AKAP7: variants seen among roughly 807,000 people sequenced by gnomAD.
The protein encoded by AKAP7 is A-kinase anchoring protein 7, also known as A kinase (PRKA) anchor protein 7.
Under a neutral mutation model 39.5 loss-of-function variants are expected in AKAP7, and 39 were observed. The ratio of observed to expected loss-of-function variants is 0.99; its 90% confidence interval spans 0.76 to 1.29. The LOEUF is 1.29. Among genes scored for constraint, AKAP7 ranks in the 50% most tolerant of loss-of-function variants. The probability of loss-of-function intolerance (pLI) is 0.00; values close to 1 mark genes in which losing one functional copy is unlikely to be tolerated. For synonymous variants in AKAP7, 140 were observed against 139.1 expected (o/e 1.01, Z -0.05); for missense variants, 414 against 407.7 (o/e 1.02, Z -0.13).
At chr6:131,219,173 C>A (rs1286534825) in intron 6 of AKAP7, among the ~76,000 whole-genome samples, 1 of 151,426 alleles carries the variant, frequency 6.6e-6, no homozygotes. Context: ...GCCTGTAGTC[C>A]CAGCTACTCA....
chr6:131,219,160 C>T (rs573772033), intron 6 of AKAP7, among the ~76,000 whole-genome samples: 18 of 151,740 alleles, frequency 1.2e-4, no homozygotes, highest in African/African-American at 4.1e-4. Context: ...TGTGGTAACA[C>T]GCGCCTGTAG....
At chr6:131,134,981 G>A (rs772614676), upstream of AKAP7, among the ~76,000 whole-genome samples, 51 of 152,142 alleles carry the variant, frequency 3.4e-4, no homozygotes, top group Non-Finnish European at 6.3e-4. Flanking sequence ...ACAAGAACCA[G>A]CAACTGGTTT....
chr6:131,263,365 T>C (rs1364095220), intron 7 of AKAP7, among the ~76,000 whole-genome samples: 1 of 152,182 alleles, frequency 6.6e-6, no homozygotes, highest in African/African-American at 2.4e-5. Context: ...GGATATGACT[T>C]CCAGCATTTC....
At chr6:131,228,294 A>G (rs768574448) in intron 7 of AKAP7, among the ~76,000 whole-genome samples, 3 of 152,230 alleles carry the variant, frequency 2.0e-5, no homozygotes, top group African/African-American at 7.2e-5. Context: ...CCTTTGATAC[A>G]TAATAAAATT....
the AKAP7 span, among the ~76,000 whole-genome samples, chr6:131,128,158 A>G: frequency 2.6e-5 from 4 of 152,200 alleles, no homozygotes; most frequent in African/African-American, 9.7e-5. Flanking sequence ...GTACCCCTGA[A>G]CCTAAAATAA....
intron 3 of AKAP7, chr6:131,164,579 G>A (rs559192272): frequency 1.2e-4 from 42 of 348,230 alleles, no homozygotes; most frequent in African/African-American, 4.7e-4. Flanking sequence ...TATTGCTGTC[G>A]TAAAAAATCT....
chr6:131,243,675 T>G (rs544521827), intron 7 of AKAP7, among the ~76,000 whole-genome samples: 1 of 152,308 alleles, frequency 6.6e-6, no homozygotes, highest in South Asian at 2.1e-4. Context: ...TTGCCCAAGG[T>G]CAAACACTGG....
At chr6:131,143,481 T>G (rs1291868395) in intron 1 of AKAP7, among the ~76,000 whole-genome samples, 3 of 152,336 alleles carry the variant, frequency 2.0e-5, no homozygotes, top group Admixed American at 2.0e-4. Flanking sequence ...ATTTTAAGCT[T>G]CTTGAGGCTC....
intron 2 of AKAP7, among the ~76,000 whole-genome samples, chr6:131,148,053 A>G (rs1170347276): frequency 6.6e-6 from 1 of 152,156 alleles, no homozygotes. Flanking sequence ...TGTGGCATGC[A>G]TTTCATTCCT....
At chr6:131,159,159 T>A (rs2128237114) in intron 2 of AKAP7, among the ~76,000 whole-genome samples, 1 of 152,314 alleles carries the variant, frequency 6.6e-6, no homozygotes, top group East Asian at 1.9e-4. Context: ...AGTGGCGCCA[T>A]CTCGGCTCAC....
chr6:131,268,129 A>C (rs1813963921), intron 7 of AKAP7, among the ~76,000 whole-genome samples: 1 of 152,196 alleles, frequency 6.6e-6, no homozygotes, highest in African/African-American at 2.4e-5. Context: ...TTTCAAGCTG[A>C]GAATTTTCTG....
chr6:131,130,691 G>A (rs921653199), upstream of AKAP7, among the ~76,000 whole-genome samples: 1 of 152,218 alleles, frequency 6.6e-6, no homozygotes, highest in African/African-American at 2.4e-5. Context: ...GTGCGCGAGG[G>A]CAGAGGACTT....
chr6:131,173,896 C>T (rs1175913848), intron 5 of AKAP7, among the ~76,000 whole-genome samples: 2 of 152,164 alleles, frequency 1.3e-5, no homozygotes, highest in Non-Finnish European at 2.9e-5. Context: ...TCCATCCATT[C>T]TTTGCAAATA....
rs1562876106 is a variant in AKAP7, at chr6:131,165,214, A to G, written c.425A>G (p.Asn142Ser). 1.9e-6 allele frequency: 3 copies of G among 1,601,574 alleles called. No individual in the cohort carries two copies. Among genetic ancestry groups the G allele is most frequent in the Non-Finnish European group, 2.6e-6 (3 of 1,173,462 alleles). The change falls in exon 4 of 8, where the codon AAC becomes AGC. Residue 142 changes from asparagine to serine, a missense_variant. Asn to Ser is a conservative substitution (Grantham distance 46). Transcript: ENST00000431975. Reference sequence around the variant, plus strand: ...CAATTATTAAATGAAGATGAAGTAAACATGTGAGTAATGTATCTTTCTTAA... The same window carrying G: ...CAATTATTAAATGAAGATGAAGTAAGCATGTGAGTAATGTATCTTTCTTAA... ...VMQLLNEDEV[N>S]IGIDALLELK...
chr6:131,252,996 G>A, intron 7 of AKAP7: 1 of 1,602,702 alleles, frequency 6.2e-7, no homozygotes, highest in South Asian at 1.1e-5. Context: ...ATGAGTTTTT[G>A]GTGAAAGTTT....
intron 7 of AKAP7, among the ~76,000 whole-genome samples, chr6:131,260,065 T>C (rs1392217038): frequency 3.3e-5 from 5 of 152,030 alleles, no homozygotes; most frequent in Non-Finnish European, 7.4e-5. Context: ...TTTTTTTTTC[T>C]GTTCCTGTGT....
At chr6:131,156,070 T>C (rs1454247537) in intron 2 of AKAP7, among the ~76,000 whole-genome samples, 2 of 152,226 alleles carry the variant, frequency 1.3e-5, no homozygotes, top group East Asian at 1.9e-4. Flanking sequence ...GTGCTGCCTC[T>C]ATAAATTGAA....
chr6:131,173,806 G>C (rs959837561), intron 5 of AKAP7, among the ~76,000 whole-genome samples: 1 of 152,160 alleles, frequency 6.6e-6, no homozygotes, highest in African/African-American at 2.4e-5. Flanking sequence ...AAATATCTCT[G>C]CACTCAAGAA....
intron 5 of AKAP7, among the ~76,000 whole-genome samples, chr6:131,173,022 G>A (rs1804222641): frequency 6.6e-6 from 1 of 151,850 alleles, no homozygotes; most frequent in Admixed American, 6.6e-5. Flanking sequence ...TGGCCAATAT[G>A]GTGAAACCCC....
Sources: gnomAD v4.1 joint callset for allele counts (sites outside exome capture counted in the v4.1 genomes callset) on GRCh38, gnomAD v4.1.1 for gene constraint, MANE v1.5 for transcripts, NCBI Gene and HGNC (gene_info 2026-07-23, HGNC 2026-07-21) for gene names.